LRIF1: variants seen among roughly 807,000 people sequenced by gnomAD.
LRIF1 encodes ligand dependent nuclear receptor interacting factor 1.
LRIF1 carries 32 observed loss-of-function variants against 52.7 expected under a neutral mutation model. The observed-to-expected ratio is 0.61, with a 90% CI of 0.46 to 0.82. The LOEUF (loss-of-function observed/expected upper bound fraction) is 0.82. Ranked by LOEUF, LRIF1 falls within the 40% of genes least tolerant of loss-of-function variation. The probability of loss-of-function intolerance (pLI) is 0.00; values close to 1 mark genes in which losing one functional copy is unlikely to be tolerated. For synonymous variants in LRIF1, 323 were observed against 317.4 expected, an observed-to-expected ratio of 1.02 and a Z score of -0.19; for missense variants, 887 against 892.0, an observed-to-expected ratio of 0.99 and a Z score of 0.07.
At chr1:110,898,852 T>C in the LRIF1 span, among the ~76,000 whole-genome samples, 1 of 152,108 alleles carries the variant, frequency 6.6e-6, no homozygotes, top group Non-Finnish European at 1.5e-5. Flanking sequence ...AATATGACCA[T>C]CCTAGCAGCA....
the LRIF1 span, among the ~76,000 whole-genome samples, chr1:110,928,665 G>T: frequency 1.3e-5 from 2 of 152,122 alleles, no homozygotes; most frequent in African/African-American, 4.8e-5. Flanking sequence ...TAAACAAAGT[G>T]GTGGGGACAG....
At chr1:110,891,564 T>G in the LRIF1 span, 1 of 929,574 alleles carries the variant, frequency 1.1e-6, no homozygotes, top group Non-Finnish European at 1.8e-6. Flanking sequence ...TGGGGTAAAA[T>G]GCATGCGTGT....
At chr1:110,887,254 C>G in the LRIF1 span, among the ~76,000 whole-genome samples, 1 of 151,866 alleles carries the variant, frequency 6.6e-6, no homozygotes, top group South Asian at 2.1e-4. Context: ...TTAGTAGAGA[C>G]GGGGTTTCAC....
chr1:110,962,897 T>C (rs898473355), intron 1 of LRIF1, among the ~76,000 whole-genome samples: 2 of 152,062 alleles, frequency 1.3e-5, no homozygotes, highest in Non-Finnish European at 2.9e-5. Context: ...TTCCAATTCA[T>C]TTCCTTGTAA....
At chr1:110,903,754 GT>G in the LRIF1 span, among the ~76,000 whole-genome samples, 1 of 152,186 alleles carries the variant, frequency 6.6e-6, no homozygotes, top group African/African-American at 2.4e-5. Context: ...GGAGGGAAAA[GT>G]AAAGGAGACT....
chr1:110,875,518 G>A, the LRIF1 span, among the ~76,000 whole-genome samples: 1 of 152,190 alleles, frequency 6.6e-6, no homozygotes, highest in Admixed American at 6.5e-5. Context: ...TTCTGTTCCA[G>A]GAAGTACTGC....
chr1:110,954,252 G>A (rs186156919), intron 1 of LRIF1, among the ~76,000 whole-genome samples: 143 of 152,256 alleles, frequency 9.4e-4, no homozygotes, highest in African/African-American at 3.2e-3. Flanking sequence ...TTGGACACGT[G>A]AGAGTGGGTC....
chr1:110,961,856 T>C (rs138564057), intron 1 of LRIF1, among the ~76,000 whole-genome samples: 106 of 152,214 alleles, frequency 7.0e-4, no homozygotes, highest in African/African-American at 2.4e-3. Flanking sequence ...CCAAAGTAAA[T>C]GTCGAAGCTT....
At chr1:110,915,354 G>A in the LRIF1 span, among the ~76,000 whole-genome samples, 5 of 152,132 alleles carry the variant, frequency 3.3e-5, no homozygotes, top group African/African-American at 4.8e-5. Flanking sequence ...CGGGCGCGGT[G>A]GCAGGCGCCT....
At chr1:110,948,422 A>G (rs1310525558) in intron 3 of LRIF1, 23 bp from the exon 4 acceptor site, 1 of 1,587,482 alleles carries the variant, frequency 6.3e-7, no homozygotes. Context: ...ATAACATTCC[A>G]AAACAAAAAC....
At chr1:110,962,061 T>C (rs200058936) in intron 1 of LRIF1, among the ~76,000 whole-genome samples, 1 of 143,894 alleles carries the variant, frequency 6.9e-6, no homozygotes, top group East Asian at 2.0e-4. Flanking sequence ...GAGTTAAGGG[T>C]ACACACACAC....
At chr1:110,942,533 T>G (rs949685115), downstream of LRIF1, among the ~76,000 whole-genome samples, 1 of 152,118 alleles carries the variant, frequency 6.6e-6, no homozygotes, top group Non-Finnish European at 1.5e-5. Context: ...GACAGTTAGT[T>G]GATTATTCAA....
At chr1:110,962,331 G>A (rs1658996218) in intron 1 of LRIF1, among the ~76,000 whole-genome samples, 1 of 151,816 alleles carries the variant, frequency 6.6e-6, no homozygotes. Context: ...AAACACACAA[G>A]TACACCAAAA....
intron 1 of LRIF1, among the ~76,000 whole-genome samples, chr1:110,962,505 G>C (rs1203010859): frequency 2.0e-5 from 3 of 152,084 alleles, no homozygotes; most frequent in African/African-American, 7.2e-5. Context: ...TGCAATTAAA[G>C]AAAACTACCT....
chr1:110,950,057 G>A lies in LRIF1; in HGVS notation c.1663C>T (p.Gln555Ter). 1 of 1,613,904 alleles carries A rather than the reference G, an allele frequency of 6.2e-7. No homozygotes were observed. Among genetic ancestry groups the A allele is most frequent in the Non-Finnish European group, 8.5e-7 (1 of 1,179,966 alleles). ...TGTAATGCCTTATTACTTCTTCCTT[G>A]AGAATCTTTCTTGTCATTTCTTCCT... ...AQGRNDKKDS[Q>*]GRSNKALHLK... The change falls in exon 3 of 4, where the codon CAA (glutamine) becomes TAA (stop). Residue 555 changes from glutamine (Q) to a stop codon, truncating the protein, a stop_gained. Coordinates refer to ENST00000369763, the MANE Select transcript of LRIF1 (RefSeq NM_018372.4). LOFTEE classifies it high-confidence loss of function.
At chr1:110,937,584 C>A in the LRIF1 span, 1 of 151,942 alleles carries the variant, frequency 6.6e-6, no homozygotes, top group Non-Finnish European at 1.5e-5. Context: ...AAAGGCAGTA[C>A]TAAGAGTGAA....
chr1:110,936,729 C>T, the LRIF1 span: 1 of 151,948 alleles, frequency 6.6e-6, no homozygotes, highest in Non-Finnish European at 1.5e-5. Context: ...CCAGAGTAAG[C>T]TCTTACTTAT....
the LRIF1 span, among the ~76,000 whole-genome samples, chr1:110,902,495 T>TAAAAAAAGAAAAAAAA: frequency 4.1e-5 from 3 of 72,656 alleles, no homozygotes; most frequent in African/African-American, 1.4e-4. Flanking sequence ...AATCAATCAC[T>TAAAAAAAGAAAAAAAA]AAAAAAAAAA....
chr1:110,920,742 T>TG, the LRIF1 span, among the ~76,000 whole-genome samples: 1 of 152,162 alleles, frequency 6.6e-6, no homozygotes, highest in Non-Finnish European at 1.5e-5. Context: ...ACCACTATGA[T>TG]GGGGGCTGTC....
Sources: gnomAD v4.1 joint callset for allele counts (sites outside exome capture counted in the v4.1 genomes callset) on GRCh38, gnomAD v4.1.1 for gene constraint, MANE v1.5 for transcripts, NCBI Gene and HGNC (gene_info 2026-07-23, HGNC 2026-07-21) for gene names.